The following WDR7 variants were observed in gnomAD, a reference collection of about 807,000 sequenced individuals.
The protein encoded by WDR7 is WD repeat-containing protein 7.
A neutral mutation model predicts 169.4 loss-of-function variants in WDR7; 46 were observed. That is an observed-to-expected ratio of 0.27 (90% CI 0.21 to 0.35). WDR7 has a LOEUF of 0.35. Among genes scored for constraint, WDR7 ranks in the 10% least tolerant of loss-of-function variants. The pLI is 1.00. For synonymous variants in WDR7, 612 were observed against 666.8 expected (o/e 0.92, Z 1.27); for missense variants, 1,534 against 1,859.3 (o/e 0.83, Z 3.22).
intron 26 of WDR7, among the ~76,000 whole-genome samples, chr18:57,016,099 A>G (rs1209625487): frequency 6.6e-6 from 1 of 152,028 alleles, no homozygotes; most frequent in African/African-American, 2.4e-5. Flanking sequence ...ACTGGGGAGG[A>G]CGTATTTCGG....
At chr18:56,665,790 A>AGATG (rs1401251882) in intron 1 of WDR7, among the ~76,000 whole-genome samples, 2 of 152,140 alleles carry the variant, frequency 1.3e-5, no homozygotes, top group African/African-American at 4.8e-5. Flanking sequence ...GCGGACTCTG[A>AGATG]GATGGAGACT....
At chr18:56,762,936 G>GT (rs553943248) in intron 16 of WDR7, among the ~76,000 whole-genome samples, 52 of 144,842 alleles carry the variant, frequency 3.6e-4, no homozygotes, top group East Asian at 4.0e-4. Flanking sequence ...TACGAATAAA[G>GT]TTTTTTTTTT....
intron 26 of WDR7, among the ~76,000 whole-genome samples, chr18:56,999,291 G>A (rs1056797579): frequency 2.6e-5 from 4 of 152,140 alleles, no homozygotes; most frequent in Non-Finnish European, 5.9e-5. Context: ...GGGTTTGGGG[G>A]AATGTTTTTG....
intron 20 of WDR7, among the ~76,000 whole-genome samples, chr18:56,837,670 T>G (rs948716824): frequency 1.3e-5 from 2 of 152,206 alleles, no homozygotes; most frequent in Non-Finnish European, 1.5e-5. Flanking sequence ...GTGTTTTTCT[T>G]TTTTTTGAGA....
chr18:56,897,143 T>C (rs1013370203), intron 21 of WDR7, among the ~76,000 whole-genome samples: 1 of 151,858 alleles, frequency 6.6e-6, no homozygotes, highest in African/African-American at 2.4e-5. Context: ...AAACCTAAAG[T>C]CCAACATTAT....
intron 21 of WDR7, among the ~76,000 whole-genome samples, chr18:56,906,909 C>T (rs560838066): frequency 4.7e-4 from 71 of 152,206 alleles, no homozygotes; most frequent in Non-Finnish European, 8.5e-4. Flanking sequence ...TTGGCACTGG[C>T]TGTCACACAG....
chr18:56,969,481 G>A (rs1019101122), intron 26 of WDR7, among the ~76,000 whole-genome samples: 34 of 152,168 alleles, frequency 2.2e-4, no homozygotes, highest in African/African-American at 7.5e-4. Flanking sequence ...AGAAATATCT[G>A]TTGGATGATT....
rs2045987143 is a variant in WDR7, at chr18:56,873,910, G to T, written c.3305-6034G>T. On this transcript the variant is annotated intron_variant, in intron 20 of 27. Coordinates refer to ENST00000254442, the MANE Select transcript of WDR7 (RefSeq NM_015285.3). Reference sequence around the variant, plus strand: ...TAGATGGAGCTGCGATCATTCATTTGTCAGCTAAGGAGCAAGGCAGCGGTT... The same window carrying T: ...TAGATGGAGCTGCGATCATTCATTTTTCAGCTAAGGAGCAAGGCAGCGGTT... 3 of 152,186 alleles carry T rather than the reference G, an allele frequency of 2.0e-5. No individual in the cohort carries two copies. The South Asian group carries it at 6.2e-4, about 32-fold the overall frequency. The allele number at this position is 152,186 out of a possible 1,614,324, so 9.4% of individuals were successfully genotyped here. A position where few individuals can be genotyped will look rare whatever the true frequency, so the allele number is the denominator to read the frequency against.
downstream of WDR7, chr18:57,034,457 C>G (rs901664426): frequency 2.0e-5 from 3 of 152,098 alleles, no homozygotes; most frequent in Admixed American, 1.3e-4. Context: ...AAGAACCCAC[C>G]AGGAGTGTCC....
chr18:56,678,745 T>C (rs1179743816), intron 2 of WDR7, among the ~76,000 whole-genome samples: 1 of 152,164 alleles, frequency 6.6e-6, no homozygotes, highest in Non-Finnish European at 1.5e-5. Flanking sequence ...TCTGCCCACC[T>C]TAGCCTCCCA....
intron 25 of WDR7, among the ~76,000 whole-genome samples, chr18:56,957,831 G>C (rs1027153768): frequency 1.1e-4 from 16 of 152,054 alleles, no homozygotes; most frequent in Non-Finnish European, 1.9e-4. Context: ...AGTGTTTCTT[G>C]TTGCATTCTA....
chr18:56,921,398 C>T (rs924916931), intron 21 of WDR7, among the ~76,000 whole-genome samples: 7 of 152,172 alleles, frequency 4.6e-5, no homozygotes, highest in Admixed American at 1.3e-4. Flanking sequence ...GTAAAAACTG[C>T]CCTGCCAAAA....
intron 14 of WDR7, among the ~76,000 whole-genome samples, chr18:56,743,548 G>A (rs2043651882): frequency 6.6e-6 from 1 of 152,100 alleles, no homozygotes; most frequent in Non-Finnish European, 1.5e-5. Context: ...GGTATTAGAA[G>A]GATCGAAATG....
In WDR7 at chr18:56,733,280, T is replaced by TA. The variant is rs542623726; in HGVS notation, c.1989+1689dup. Among the ~76,000 whole-genome samples, 325 of 152,302 alleles carry TA rather than the reference T, an allele frequency of 2.1e-3. 1 individual carries two copies. The highest frequency in any genetic ancestry group is 7.6e-3 in the African/African-American group (315 of 41,576). On this transcript the variant is annotated intron_variant, in intron 14 of 27. Coordinates refer to ENST00000254442, the MANE Select transcript of WDR7 (RefSeq NM_015285.3). ...AAGCTGCAGGAGGATAATCACTTTA[T>TA]AAAAAATGTATGTTGGCTGGACCAT...
chr18:56,957,117 A>G (rs2047262163), intron 25 of WDR7, among the ~76,000 whole-genome samples: 1 of 152,182 alleles, frequency 6.6e-6, no homozygotes, highest in Non-Finnish European at 1.5e-5. Flanking sequence ...GTTAAATAAT[A>G]TAATGCACAT....
chr18:56,854,241 T>C (rs1389697328), intron 20 of WDR7, among the ~76,000 whole-genome samples: 1 of 152,246 alleles, frequency 6.6e-6, no homozygotes. Flanking sequence ...CCTGTGCTTC[T>C]GGTCAGCTGA....
At chr18:56,774,578 T>G (rs2044212925) in intron 16 of WDR7, among the ~76,000 whole-genome samples, 1 of 152,286 alleles carries the variant, frequency 6.6e-6, no homozygotes, top group Non-Finnish European at 1.5e-5. Context: ...ATCTTTCATA[T>G]TCAGTGCCCC....
chr18:56,703,483 T>C (rs1471553621), intron 12 of WDR7, among the ~76,000 whole-genome samples: 2 of 152,190 alleles, frequency 1.3e-5, no homozygotes, highest in Non-Finnish European at 2.9e-5. Context: ...GAGCAAACTT[T>C]GTGAATACAA....
chr18:56,702,177 A>G (rs950042117), intron 12 of WDR7, among the ~76,000 whole-genome samples: 3 of 152,160 alleles, frequency 2.0e-5, no homozygotes, highest in Non-Finnish European at 4.4e-5. Flanking sequence ...ACGCTCCATC[A>G]TTAGAATTAT....
Sources: gnomAD v4.1 joint callset for allele counts (sites outside exome capture counted in the v4.1 genomes callset) on GRCh38, gnomAD v4.1.1 for gene constraint, MANE v1.5 for transcripts, NCBI Gene and HGNC (gene_info 2026-07-23, HGNC 2026-07-21) for gene names.